TMEM126B: variants seen among roughly 807,000 people sequenced by gnomAD.
TMEM126B encodes complex I assembly factor TMEM126B, mitochondrial.
A neutral mutation model predicts 16.5 loss-of-function variants in TMEM126B; 19 were observed. The ratio of observed to expected loss-of-function variants is 1.15; its 90% confidence interval spans 0.80 to 1.69. The LOEUF (loss-of-function observed/expected upper bound fraction) is 1.69. TMEM126B is among the 40% of genes most tolerant of loss of function. The pLI, the probability that TMEM126B is intolerant of heterozygous loss-of-function variation, is 0.00. For missense variants in TMEM126B, 293 were observed against 278.7 expected, an observed-to-expected ratio of 1.05 and a Z score of -0.37; for synonymous variants, 104 against 93.2, an observed-to-expected ratio of 1.12 and a Z score of -0.67.
intron 1 of TMEM126B, among the ~76,000 whole-genome samples, chr11:85,630,120 G>T (rs888403045): frequency 2.6e-5 from 4 of 152,164 alleles, no homozygotes; most frequent in Non-Finnish European, 5.9e-5. Flanking sequence ...TGTGTCCATT[G>T]ACTACAGCAT....
At chr11:85,632,793 T>A (rs986232463) in intron 2 of TMEM126B, among the ~76,000 whole-genome samples, 2 of 152,014 alleles carry the variant, frequency 1.3e-5, no homozygotes, top group East Asian at 3.9e-4. Context: ...CATTCCCTTT[T>A]ATTTTTTTTT....
rs972902224 is a variant in TMEM126B at position 85,631,709 on chromosome 11, T to G, written c.104T>G (p.Met35Arg). 1 of 1,612,962 alleles carries G rather than the reference T, an allele frequency of 6.2e-7. No homozygotes were observed. Among genetic ancestry groups the G allele is most frequent in the Non-Finnish European group, 8.5e-7 (1 of 1,179,690 alleles). ...APKVFKMAAS[M>R]HGQPSPSLED... ...CAGGTTTTCAAGATGGCAGCATCTA[T>G]GCATGGTCAGCCCAGTCCTTCTCTA... Residue 35 changes from methionine to arginine, a missense_variant, in exon 2 of 5, where the codon ATG (methionine) becomes AGG (arginine). Physicochemically the swap from Met to Arg is moderately conservative, Grantham distance 91. Coordinates refer to ENST00000358867, the MANE Select transcript of TMEM126B (RefSeq NM_018480.7).
At position 85,635,765 on chromosome 11, in the gene TMEM126B, C is replaced by G; in HGVS notation, c.496C>G (p.Arg166Gly). ...TTCTTTGGCTTTTACTAAAAATGGA[C>G]GCCTGGCAACCAAGTAAGTTCTTCC... ...PSSLAFTKNG[R>G]LATKYHTVPL... is the part of the protein sequence containing the mutation. Residue 166 changes from arginine to glycine, a missense_variant, in exon 4 of 5, where the codon CGC becomes GGC. Physicochemically the swap from Arg to Gly is moderately radical, Grantham distance 125. Coordinates refer to ENST00000358867, the MANE Select transcript of TMEM126B (RefSeq NM_018480.7). The G allele has an allele frequency of 1.3e-6, 2 of 1,583,526 alleles. No individual in the cohort carries two copies. Among genetic ancestry groups the G allele is most frequent in the South Asian group, 2.4e-5 (2 of 84,162 alleles).
At position 85,631,766 on chromosome 11, in the gene TMEM126B, T is replaced by C. The variant is rs547778179; in HGVS notation, c.161T>C (p.Ile54Thr). 4.3e-6 allele frequency: 7 copies of C among 1,612,824 alleles called. No individual in the cohort carries two copies. In the South Asian group the frequency reaches 4.4e-5, roughly 10 times the overall value. Residue 54 changes from isoleucine (I) to threonine (T), a missense_variant, in exon 2 of 5, where the codon ATA (isoleucine) becomes ACA (threonine). Ile to Thr is a moderately conservative substitution (Grantham distance 89). Transcript: ENST00000358867. ...EDAKLRRPMV[I>T]EIIEKNFDYL... is the part of the protein sequence containing the mutation. ...GCAAAACTCAGAAGACCAATGGTCA[T>C]AGAAATCATAGAAAAAAATTTTGAC...
chr11:85,629,628 TG>T (rs1359048579), intron 1 of TMEM126B, among the ~76,000 whole-genome samples: 13 of 152,212 alleles, frequency 8.5e-5, no homozygotes, highest in African/African-American at 3.1e-4. Flanking sequence ...TTTTTGTTTT[TG>T]GTGGAAGGTG....
At chr11:85,631,053 T>C in intron 1 of TMEM126B, 1 of 965,906 alleles carries the variant, frequency 1.0e-6, no homozygotes, top group South Asian at 1.4e-5. Flanking sequence ...CACAATCCAC[T>C]GCCTGTTCCC....
In TMEM126B at chr11:85,631,768, G is replaced by C. The variant is rs1313661278; in HGVS notation, c.163G>C (p.Glu55Gln). 2 of 1,612,352 alleles carry C rather than the reference G, an allele frequency of 1.2e-6. No homozygotes were observed. The highest frequency in any genetic ancestry group is 1.3e-5 in the African/African-American group (1 of 74,750). The change falls in exon 2 of 5, where the codon GAA becomes CAA. Residue 55 changes from glutamate to glutamine, a missense_variant. Coordinates refer to ENST00000358867, the MANE Select transcript of TMEM126B (RefSeq NM_018480.7). ...DAKLRRPMVI[E>Q]IIEKNFDYLR... is the part of the protein sequence containing the mutation. ...AAAACTCAGAAGACCAATGGTCATA[G>C]AAATCATAGAAAAAAATTTTGACTA...
chr11:85,632,227 A>G (rs1005864046), intron 2 of TMEM126B, among the ~76,000 whole-genome samples: 1 of 152,164 alleles, frequency 6.6e-6, no homozygotes, highest in Non-Finnish European at 1.5e-5. Context: ...TGGTATAAAT[A>G]TAGTCTCACA....
chr11:85,629,395 T>G (rs545363174), intron 1 of TMEM126B: 127 of 504,070 alleles, frequency 2.5e-4, no homozygotes, highest in Non-Finnish European at 3.1e-4. Flanking sequence ...GCGTGGTGAC[T>G]AGTTGAGTGG....
At chr11:85,631,036 T>C in intron 1 of TMEM126B, 1 of 744,182 alleles carries the variant, frequency 1.3e-6, no homozygotes, top group South Asian at 1.5e-5. Flanking sequence ...TACTCCAAAG[T>C]AGTAGCCACA....
intron 2 of TMEM126B, 117 bp downstream of exon 2, chr11:85,631,925 T>G: frequency 1.9e-6 from 2 of 1,075,774 alleles, no homozygotes; most frequent in South Asian, 1.9e-5. Context: ...TCCTATTCTT[T>G]GAGTTGGCTA....
upstream of TMEM126B, chr11:85,628,578 G>A (rs1212917552): frequency 6.5e-7 from 1 of 1,527,568 alleles, no homozygotes; most frequent in Admixed American, 2.0e-5. Context: ...CTGGGTCCCC[G>A]CCCACCGGCA....
At position 85,636,415 on chromosome 11, in the gene TMEM126B, T is replaced by G. The variant is rs979146922; in HGVS notation, c.*186T>G. The G allele has an allele frequency of 6.7e-5, 26 of 386,596 alleles. No individual in the cohort carries two copies. The highest frequency in any genetic ancestry group is 1.0e-4 in the Non-Finnish European group (22 of 219,136). 23.9% of individuals were successfully genotyped at this position (386,596 alleles called of 1,614,324 possible). A position where few individuals can be genotyped will look rare whatever the true frequency, so the allele number is the denominator to read the frequency against. On this transcript the variant is annotated 3_prime_UTR_variant, in exon 5 of 5. Coordinates refer to ENST00000358867, the MANE Select transcript of TMEM126B (RefSeq NM_018480.7). ...ATAAATATAAGTTTCATCTTACACG[T>G]AAGATACAGGTCTTATCTCCTGATG... is the stretch of plus-strand genomic sequence containing the variant.
At chr11:85,631,273 C>G in intron 1 of TMEM126B, 2 of 1,274,602 alleles carry the variant, frequency 1.6e-6, no homozygotes, top group Non-Finnish European at 2.0e-6. Flanking sequence ...AAGAGCCTGA[C>G]TGCCTTCTCG....
At chr11:85,633,869 CCT>C (rs2082349981) in intron 2 of TMEM126B, among the ~76,000 whole-genome samples, 2 of 152,110 alleles carry the variant, frequency 1.3e-5, no homozygotes, top group African/African-American at 4.8e-5. Flanking sequence ...AGAATCATGT[CCT>C]CTCATTAGAA....
chr11:85,633,464 G>A (rs545928762), intron 2 of TMEM126B, among the ~76,000 whole-genome samples: 32 of 152,326 alleles, frequency 2.1e-4, no homozygotes, highest in African/African-American at 7.2e-4. Context: ...TCCAGCACCT[G>A]TTGTTTCCTG....
chr11:85,635,685 A>T lies in TMEM126B; in HGVS notation c.416A>T (p.Asn139Ile), dbSNP rs1380778004. The change falls in exon 4 of 5, where the codon AAC (asparagine) becomes ATC (isoleucine). Residue 139 changes from asparagine to isoleucine, a missense_variant. Transcript: ENST00000358867. ...TTTCCAGATAATATAAGCAAGGAAA[A>T]CTGTGTTTTCAGAAGCTCACTGATT... Reference protein sequence around the residue: ...ALYSDNISKENCVFRSSLIGI... With the variant: ...ALYSDNISKEICVFRSSLIGI... 1 of 1,604,344 alleles carries T rather than the reference A, an allele frequency of 6.2e-7. No homozygotes were observed. Among genetic ancestry groups the T allele is most frequent in the South Asian group, 1.1e-5 (1 of 88,266 alleles).
rs763180872 is a variant in TMEM126B, at chr11:85,631,708, A to G, written c.103A>G (p.Met35Val). 4 of 1,612,878 alleles carry G rather than the reference A, an allele frequency of 2.5e-6. No individual in the cohort carries two copies. The highest frequency in any genetic ancestry group is 2.2e-5 in the South Asian group (2 of 90,820). Residue 35 changes from methionine to valine, a missense_variant, in exon 2 of 5, where the codon ATG becomes GTG. Met to Val is a conservative substitution (Grantham distance 21). Transcript: ENST00000358867. ...APKVFKMAAS[M>V]HGQPSPSLED... is the part of the protein sequence containing the mutation. ...CCAGGTTTTCAAGATGGCAGCATCT[A>G]TGCATGGTCAGCCCAGTCCTTCTCT...
chr11:85,635,936 T>A, intron 4 of TMEM126B, 110 bp from the exon 5 acceptor site: 1 of 1,282,312 alleles, frequency 7.8e-7, no homozygotes, highest in Non-Finnish European at 1.1e-6. Context: ...TTAACTTTTT[T>A]GCTCTCTACA....
Sources: allele counts gnomAD v4.1 joint callset (sites outside exome capture counted in the v4.1 genomes callset), GRCh38; gene constraint gnomAD v4.1.1; transcripts MANE v1.5; gene names NCBI Gene and HGNC (gene_info 2026-07-23, HGNC 2026-07-21).